The following ARL14EPL variants were observed in gnomAD, a reference collection of about 807,000 sequenced individuals.
ARL14EPL encodes the protein ARL14 effector protein-like.
Under a neutral mutation model 15.9 loss-of-function variants are expected in ARL14EPL, and 17 were observed. The ratio of observed to expected loss-of-function variants is 1.07; its 90% CI spans 0.73 to 1.60. The LOEUF (loss-of-function observed/expected upper bound fraction) is 1.60, where lower values mean the gene tolerates loss of function less well. ARL14EPL is among the 40% of genes most tolerant of loss of function. The pLI, the probability that ARL14EPL is intolerant of heterozygous loss-of-function variation, is 0.00. For missense variants in ARL14EPL, 214 were observed against 185.9 expected (o/e 1.15, Z -0.88); for synonymous variants, 78 against 63.8 (o/e 1.22, Z -1.06).
intron 1 of ARL14EPL, among the ~76,000 whole-genome samples, chr5:116,034,692 T>TA (rs5870682): frequency 0.45 from 67,988 of 151,838 alleles, 15,477 homozygotes; most frequent in East Asian, 0.62. Flanking sequence ...TGATATACCA[T>TA]TTGAGCTATG....
At chr5:116,033,628 GAATGAAAA>G (rs141626857) in intron 1 of ARL14EPL, among the ~76,000 whole-genome samples, 78,970 of 151,172 alleles carry the variant, frequency 0.52, 22,196 homozygotes, top group African/African-American at 0.74. Flanking sequence ...TAGAGGCACA[GAATGAAAA>G]AATGAAAAAT....
chr5:116,039,197 C>G (rs1337871666), intron 1 of ARL14EPL, among the ~76,000 whole-genome samples: 2 of 152,104 alleles, frequency 1.3e-5, no homozygotes, highest in Non-Finnish European at 2.9e-5. Context: ...GGAAGGCTCC[C>G]AAGTCAACAC....
chr5:116,044,783 G>A (rs993261505), intron 1 of ARL14EPL, among the ~76,000 whole-genome samples: 3 of 151,840 alleles, frequency 2.0e-5, no homozygotes, highest in Admixed American at 6.6e-5. Flanking sequence ...ACCTCCCCTC[G>A]TCCCAGCCAT....
At chr5:116,035,075 C>T (rs1330079920) in intron 1 of ARL14EPL, among the ~76,000 whole-genome samples, 1 of 152,154 alleles carries the variant, frequency 6.6e-6, no homozygotes, top group Non-Finnish European at 1.5e-5. Context: ...GCACTTGAGC[C>T]TTGGCAAGGC....
intron 2 of ARL14EPL, among the ~76,000 whole-genome samples, chr5:116,053,329 G>C (rs899451085): frequency 1.4e-5 from 2 of 147,626 alleles, no homozygotes; most frequent in Non-Finnish European, 3.0e-5. Flanking sequence ...TGCAGCCTGG[G>C]TGACAGAGCG....
chr5:116,042,583 A>G (rs17138712), intron 1 of ARL14EPL, among the ~76,000 whole-genome samples: 14,004 of 152,202 alleles, frequency 0.092, 1,714 homozygotes, highest in African/African-American at 0.28. Flanking sequence ...TAGTACCCAG[A>G]CAATAAGGGC....
At chr5:116,048,549 A>G (rs1211516844) in intron 1 of ARL14EPL, among the ~76,000 whole-genome samples, 3 of 152,204 alleles carry the variant, frequency 2.0e-5, no homozygotes, top group Non-Finnish European at 4.4e-5. Flanking sequence ...TACGCTTATC[A>G]TAATATTGTG....
intron 1 of ARL14EPL, among the ~76,000 whole-genome samples, chr5:116,042,776 A>G (rs781659599): frequency 6.6e-6 from 1 of 152,132 alleles, no homozygotes; most frequent in Non-Finnish European, 1.5e-5. Context: ...CATAAACCAG[A>G]CCCTATATCA....
At chr5:116,045,799 AC>A (rs574323689) in intron 1 of ARL14EPL, among the ~76,000 whole-genome samples, 124 of 151,336 alleles carry the variant, frequency 8.2e-4, no homozygotes, top group African/African-American at 2.9e-3. Context: ...CGAAAATACA[AC>A]TACAAAAGTA....
chr5:116,046,555 C>A (rs1001573743), intron 1 of ARL14EPL, among the ~76,000 whole-genome samples: 43 of 152,174 alleles, frequency 2.8e-4, no homozygotes, highest in Non-Finnish European at 5.9e-5. Flanking sequence ...GTTCCTGAGG[C>A]CTCCACACCT....
chr5:116,047,827 G>A (rs1045013912), intron 1 of ARL14EPL, among the ~76,000 whole-genome samples: 1 of 152,152 alleles, frequency 6.6e-6, no homozygotes, highest in Non-Finnish European at 1.5e-5. Flanking sequence ...GCTGGCCTTG[G>A]AGAAAAGGGG....
At position 116,045,904 on chromosome 5, in the gene ARL14EPL, C is replaced by G. The variant is rs138745726; in HGVS notation, c.-9-5553C>G. Reference sequence around the variant, plus strand: ...ACTCTCAAAGGCTTAAATCAAAGTACTTTTAATTCTAAAGGACAAATGGCA... The same window carrying G: ...ACTCTCAAAGGCTTAAATCAAAGTAGTTTTAATTCTAAAGGACAAATGGCA... On this transcript the variant is annotated intron_variant, in intron 1 of 3. Coordinates refer to ENST00000686077, the MANE Select transcript of ARL14EPL (RefSeq NM_001195581.2). 6.1e-4 allele frequency among the ~76,000 whole-genome samples: 93 copies of G among 152,182 alleles called. 2 individuals are homozygous for G. In the Middle Eastern group the frequency reaches 0.014, roughly 22 times the overall value.
intron 1 of ARL14EPL, among the ~76,000 whole-genome samples, chr5:116,044,584 A>G (rs1749229598): frequency 6.6e-6 from 1 of 152,120 alleles, no homozygotes; most frequent in African/African-American, 2.4e-5. Flanking sequence ...ATTTGGTATT[A>G]GTATTAGTTA....
intron 1 of ARL14EPL, among the ~76,000 whole-genome samples, chr5:116,044,375 A>G (rs772282630): frequency 1.9e-4 from 29 of 152,152 alleles, no homozygotes; most frequent in Non-Finnish European, 3.2e-4. Context: ...AGAGATTAGT[A>G]TACGTCTTAG....
chr5:116,046,690 A>T (rs933594185), intron 1 of ARL14EPL, among the ~76,000 whole-genome samples: 1 of 152,186 alleles, frequency 6.6e-6, no homozygotes, highest in Non-Finnish European at 1.5e-5. Flanking sequence ...AGGAATGATA[A>T]TCTGTTCCAG....
intron 1 of ARL14EPL, 86 bp from the exon 2 acceptor site, chr5:116,051,371 T>C: frequency 3.7e-6 from 3 of 808,296 alleles, no homozygotes; most frequent in Non-Finnish European, 5.9e-6. Context: ...GTGAGACGTG[T>C]AGGGAGAGTA....
At chr5:116,044,117 T>C (rs561584680) in intron 1 of ARL14EPL, among the ~76,000 whole-genome samples, 26 of 152,308 alleles carry the variant, frequency 1.7e-4, no homozygotes, top group East Asian at 5.8e-4. Flanking sequence ...CAAATATATT[T>C]ATTCTGGGAC....
chr5:116,038,820 G>A (rs1280373746), intron 1 of ARL14EPL, among the ~76,000 whole-genome samples: 2 of 152,194 alleles, frequency 1.3e-5, no homozygotes, highest in Admixed American at 1.3e-4. Flanking sequence ...GGACCCAGTT[G>A]TAAAAGAAAT....
chr5:116,036,356 C>G (rs937741807), intron 1 of ARL14EPL, among the ~76,000 whole-genome samples: 3 of 152,134 alleles, frequency 2.0e-5, no homozygotes, highest in African/African-American at 7.2e-5. Flanking sequence ...AATACAGTGT[C>G]AAGTGGGAAG....
Sources: allele counts gnomAD v4.1 joint callset (sites outside exome capture counted in the v4.1 genomes callset), GRCh38; gene constraint gnomAD v4.1.1; transcripts MANE v1.5; gene names NCBI Gene and HGNC (gene_info 2026-07-23, HGNC 2026-07-21).